DIXDC1: variants seen among roughly 807,000 people sequenced by gnomAD.
DIXDC1 encodes DIX domain containing 1.
In DIXDC1, 64 loss-of-function variants were observed where a neutral mutation model predicts 103.1. That is an observed-to-expected ratio of 0.62 (90% CI 0.51 to 0.76). DIXDC1 has a LOEUF of 0.76. Ranked by LOEUF, DIXDC1 falls within the 30% of genes least tolerant of loss-of-function variation. DIXDC1 has a pLI of 0.00. For synonymous variants in DIXDC1, 266 were observed against 298.5 expected, an observed-to-expected ratio of 0.89 and a Z score of 1.12; for missense variants, 759 against 834.2, an observed-to-expected ratio of 0.91 and a Z score of 1.11.
intron 5 of DIXDC1, chr11:111,975,497 C>T (rs1007823065): frequency 9.1e-6 from 9 of 991,246 alleles, no homozygotes; most frequent in South Asian, 9.2e-5. Context: ...ATGATGTTTG[C>T]GACTCTAGCT....
chr11:111,993,397 G>C, intron 12 of DIXDC1, 99 bp from the exon 13 acceptor site: 3 of 1,296,234 alleles, frequency 2.3e-6, no homozygotes, highest in Non-Finnish European at 3.3e-6. Flanking sequence ...TTTTTTTCCT[G>C]AGGCTCTACT....
At chr11:111,946,111 ATT>A (rs782364929) in intron 1 of DIXDC1, among the ~76,000 whole-genome samples, 16 of 98,434 alleles carry the variant, frequency 1.6e-4, no homozygotes, top group Non-Finnish European at 2.0e-4. Context: ...TAATTTTTGT[ATT>A]TTTTTTTTTT....
intron 1 of DIXDC1, among the ~76,000 whole-genome samples, chr11:111,963,287 C>A (rs587771601): frequency 1.3e-4 from 20 of 152,182 alleles, no homozygotes; most frequent in Admixed American, 1.3e-3. Flanking sequence ...TGGTTTAGTT[C>A]ATGATAGGTG....
chr11:111,970,661 CAAAA>C (rs34958514), intron 3 of DIXDC1, among the ~76,000 whole-genome samples: 1 of 113,142 alleles, frequency 8.8e-6, no homozygotes. Context: ...AACTCTATCT[CAAAA>C]AAAAAAAAAA....
At chr11:112,006,619 A>C (rs1861247126) in intron 17 of DIXDC1, among the ~76,000 whole-genome samples, 1 of 152,236 alleles carries the variant, frequency 6.6e-6, no homozygotes, top group African/African-American at 2.4e-5. Flanking sequence ...GCTGTTCTGC[A>C]ATATTTGCTG....
rs1303934424 is a variant in DIXDC1, at chr11:111,963,590, G to A, written c.61-959G>A. Among the ~76,000 whole-genome samples the A allele has an allele frequency of 3.9e-5, 6 of 152,182 alleles. No individual in the cohort carries two copies. In the South Asian group the frequency reaches 1.2e-3, roughly 32 times the overall value. ...CCCTTGAACTTAAATTTTAGGCTCA[G>A]GGTCCTGGGCTGCAAAGAAACCAGT... On this transcript the variant is annotated intron_variant, in intron 1 of 19. Transcript: ENST00000440460.
intron 17 of DIXDC1, among the ~76,000 whole-genome samples, chr11:112,009,334 A>G (rs1861339992): frequency 1.3e-5 from 2 of 152,108 alleles, no homozygotes; most frequent in African/African-American, 2.4e-5. Context: ...CAACCAAAAA[A>G]AGTCCAGGAC....
At chr11:111,939,598 C>T (rs1478113871) in intron 1 of DIXDC1, among the ~76,000 whole-genome samples, 1 of 152,126 alleles carries the variant, frequency 6.6e-6, no homozygotes, top group Non-Finnish European at 1.5e-5. Flanking sequence ...TTTGATTTCT[C>T]TGAAAAATTG....
chr11:112,013,957 G>C (rs966296882), intron 17 of DIXDC1, among the ~76,000 whole-genome samples: 2 of 152,132 alleles, frequency 1.3e-5, no homozygotes, highest in Non-Finnish European at 2.9e-5. Flanking sequence ...CATGGAGAGA[G>C]GAAGCAAGAG....
intron 1 of DIXDC1, among the ~76,000 whole-genome samples, chr11:111,949,129 T>C (rs1966693616): frequency 6.6e-6 from 1 of 152,196 alleles, no homozygotes; most frequent in Non-Finnish European, 1.5e-5. Flanking sequence ...AGCAAAGTGC[T>C]TAGCACAATA....
intron 17 of DIXDC1, among the ~76,000 whole-genome samples, chr11:111,997,156 T>C (rs1313458637): frequency 2.0e-5 from 3 of 152,216 alleles, no homozygotes; most frequent in African/African-American, 7.2e-5. Context: ...CAGTTTTGTA[T>C]GTTACATATA....
At chr11:111,992,594 A>C in intron 11 of DIXDC1, 75 bp downstream of exon 11, 1 of 1,288,122 alleles carries the variant, frequency 7.8e-7, no homozygotes, top group Non-Finnish European at 1.1e-6. Context: ...GAACTATTAG[A>C]CTGGCCATCC....
At position 112,017,312 on chromosome 11, in the gene DIXDC1, G is replaced by C. The variant is rs587659874; in HGVS notation, c.1863-465G>C. Among the ~76,000 whole-genome samples the C allele has an allele frequency of 1.4e-4, 22 of 152,244 alleles. No homozygotes were observed. Among genetic ancestry groups the C allele is most frequent in the African/African-American group, 4.3e-4 (18 of 41,548 alleles). ...CAACCAACTATTGAGAGAGGTTATA[G>C]GATTTTTCTTACTTAGTCTGCTTAT... On this transcript the variant is annotated intron_variant, in intron 18 of 19. Coordinates refer to ENST00000440460, the MANE Select transcript of DIXDC1 (RefSeq NM_001037954.4). The surrounding 1 kb of genome is among the most constrained non-coding windows in gnomAD (Gnocchi z 4.0).
rs1555175367 is a variant in DIXDC1 at position 111,996,068 on chromosome 11, G to C, written c.1690-12G>C. On this transcript the variant is annotated splice_polypyrimidine_tract_variant and intron_variant, in intron 16 of 19. Coordinates refer to ENST00000440460, the MANE Select transcript of DIXDC1 (RefSeq NM_001037954.4). ...TGATCATAACTCTTGTGATTTTTGT[G>C]TGGCTCCCCAGGTTCGGGTCAAGTC... 6.2e-7 allele frequency: 1 copy of C among 1,613,016 alleles called. No homozygotes were observed. The highest frequency in any genetic ancestry group is 1.1e-5 in the South Asian group (1 of 90,820).
chr11:111,948,462 C>T (rs1364913713), intron 1 of DIXDC1, among the ~76,000 whole-genome samples: 2 of 152,098 alleles, frequency 1.3e-5, no homozygotes, highest in Admixed American at 1.3e-4. Flanking sequence ...GTGGTCACTG[C>T]CTCTCCTCTG....
At chr11:111,945,368 A>G (rs937535601) in intron 1 of DIXDC1, among the ~76,000 whole-genome samples, 1 of 152,202 alleles carries the variant, frequency 6.6e-6, no homozygotes, top group Admixed American at 6.5e-5. Context: ...GCTTTCACCA[A>G]TCAACTTTGG....
intron 1 of DIXDC1, among the ~76,000 whole-genome samples, chr11:111,951,956 C>T (rs1180882923): frequency 6.6e-6 from 1 of 151,258 alleles, no homozygotes; most frequent in Non-Finnish European, 1.5e-5. Flanking sequence ...ATTTCCACCT[C>T]CTAGGTTCAA....
chr11:111,947,707 A>G (rs1369171486), intron 1 of DIXDC1, among the ~76,000 whole-genome samples: 1 of 152,266 alleles, frequency 6.6e-6, no homozygotes, highest in Non-Finnish European at 1.5e-5. Context: ...TGTGGATAAG[A>G]CTAGCCCTAT....
chr11:111,981,908 G>C (rs78469761), intron 6 of DIXDC1, among the ~76,000 whole-genome samples: 2 of 152,304 alleles, frequency 1.3e-5, no homozygotes, highest in Non-Finnish European at 2.9e-5. Flanking sequence ...ACTTATGAGT[G>C]AGTGCTGAAA....
Sources: gnomAD v4.1 joint callset for allele counts (sites outside exome capture counted in the v4.1 genomes callset) on GRCh38, gnomAD v4.1.1 for gene constraint, Gnocchi (gnomAD v3.1) non-coding constraint, MANE v1.5 for transcripts, NCBI Gene and HGNC (gene_info 2026-07-23, HGNC 2026-07-21) for gene names.